The following TMEM132D variants were observed in gnomAD, a reference collection of about 807,000 sequenced individuals.
TMEM132D encodes the protein transmembrane protein 132D.
In TMEM132D, 21 loss-of-function variants were observed where a neutral mutation model predicts 62.3. That is an observed-to-expected ratio of 0.34 (90% CI 0.24 to 0.49). The LOEUF (loss-of-function observed/expected upper bound fraction) is 0.49. TMEM132D is among the 20% of genes least tolerant of loss of function. The pLI, the probability that TMEM132D is intolerant of heterozygous loss-of-function variation, is 0.99. For synonymous variants in TMEM132D, 621 were observed against 575.6 expected, an observed-to-expected ratio of 1.08 and a Z score of -1.13; for missense variants, 1,346 against 1,402.8, an observed-to-expected ratio of 0.96 and a Z score of 0.65.
At chr12:129,179,796 G>C (rs1221747472) in intron 5 of TMEM132D, among the ~76,000 whole-genome samples, 1 of 152,168 alleles carries the variant, frequency 6.6e-6, no homozygotes, top group Non-Finnish European at 1.5e-5. Context: ...GGGAGGCTGA[G>C]ATGGGTGGAT....
At position 129,489,349 on chromosome 12, in the gene TMEM132D, G is replaced by A. The variant is rs77450132; in HGVS notation, c.1115+41710C>T. Among the ~76,000 whole-genome samples, 1,161 of 152,268 alleles carry A rather than the reference G, an allele frequency of 7.6e-3. 8 individuals carry two copies. The highest frequency in any genetic ancestry group is 0.068 in the Middle Eastern group (20 of 294). On this transcript the variant is annotated intron_variant, in intron 3 of 8. Coordinates refer to ENST00000422113, the MANE Select transcript of TMEM132D (RefSeq NM_133448.3). ...GGTCTCAAAGAATCTATGGGGTCTG[G>A]GGAATACATATCATCCTTGATCAAT...
chr12:129,678,453 A>C (rs1303760643), intron 2 of TMEM132D, among the ~76,000 whole-genome samples: 8 of 152,108 alleles, frequency 5.3e-5, no homozygotes, highest in Non-Finnish European at 1.0e-4. Flanking sequence ...TTCGTTTATA[A>C]AATGTCTGTT....
intron 5 of TMEM132D, among the ~76,000 whole-genome samples, chr12:129,151,925 T>C (rs1382719381): frequency 6.7e-6 from 1 of 149,740 alleles, no homozygotes; most frequent in Non-Finnish European, 1.5e-5. Flanking sequence ...TTGTCCAGGC[T>C]GGAGTGCAGT....
intron 2 of TMEM132D, among the ~76,000 whole-genome samples, chr12:129,543,659 AT>A (rs1876654000): frequency 6.6e-6 from 1 of 152,332 alleles, no homozygotes; most frequent in South Asian, 2.1e-4. Flanking sequence ...GAATGGTGCC[AT>A]GGGTGGTCCA....
At chr12:129,145,570 G>A (rs1219459885) in intron 5 of TMEM132D, among the ~76,000 whole-genome samples, 1 of 152,006 alleles carries the variant, frequency 6.6e-6, no homozygotes, top group Non-Finnish European at 1.5e-5. Context: ...TCTGTCTCCT[G>A]CCAAGATCTT....
intron 2 of TMEM132D, among the ~76,000 whole-genome samples, chr12:129,639,510 T>C (rs1879587425): frequency 6.6e-6 from 1 of 152,128 alleles, no homozygotes; most frequent in Non-Finnish European, 1.5e-5. Context: ...CTGCTCATTT[T>C]CTTTCTTCAT....
intron 2 of TMEM132D, among the ~76,000 whole-genome samples, chr12:129,681,775 A>G (rs946334804): frequency 2.6e-5 from 4 of 152,150 alleles, no homozygotes; most frequent in Non-Finnish European, 2.9e-5. Context: ...CTCCAATCCA[A>G]CACACTCTCA....
intron 2 of TMEM132D, among the ~76,000 whole-genome samples, chr12:129,686,679 G>A (rs1039075165): frequency 2.0e-5 from 3 of 152,176 alleles, no homozygotes; most frequent in African/African-American, 4.8e-5. Context: ...CTCACATTTT[G>A]CCAAAGCAAA....
At chr12:129,087,004 C>T (rs1027479475) in intron 5 of TMEM132D, among the ~76,000 whole-genome samples, 1 of 151,912 alleles carries the variant, frequency 6.6e-6, no homozygotes, top group Non-Finnish European at 1.5e-5. Context: ...CATTGAAGAC[C>T]CCCTGTCTTT....
chr12:129,345,997 A>C (rs1202833574), intron 3 of TMEM132D, among the ~76,000 whole-genome samples: 5 of 152,138 alleles, frequency 3.3e-5, no homozygotes, highest in African/African-American at 1.2e-4. Flanking sequence ...TGTTTGGAAT[A>C]GTTTTAGGAG....
chr12:129,165,832 G>A (rs964492567), intron 5 of TMEM132D, among the ~76,000 whole-genome samples: 1 of 152,174 alleles, frequency 6.6e-6, no homozygotes, highest in African/African-American at 2.4e-5. Context: ...TTTCCTTTGT[G>A]TAAGTATAGA....
rs188031929 is a variant in TMEM132D, at chr12:129,302,988, T to C, written c.1299+34646A>G. Among the ~76,000 whole-genome samples the C allele has an allele frequency of 2.1e-3, 324 of 152,110 alleles. 6 individuals are homozygous for C. The South Asian group carries it at 0.038, about 18-fold the overall frequency. On this transcript the variant is annotated intron_variant, in intron 4 of 8. Coordinates refer to ENST00000422113, the MANE Select transcript of TMEM132D (RefSeq NM_133448.3). Reference sequence around the variant, plus strand: ...CTCCAAAGGCAGAAGAACCAAGGAGTAGAAACCAATGTCTTCTACTCCACT... The same window carrying C: ...CTCCAAAGGCAGAAGAACCAAGGAGCAGAAACCAATGTCTTCTACTCCACT...
chr12:129,755,190 C>T (rs1345604820), intron 1 of TMEM132D, among the ~76,000 whole-genome samples: 1 of 152,186 alleles, frequency 6.6e-6, no homozygotes, highest in Non-Finnish European at 1.5e-5. Flanking sequence ...TGGACATTAA[C>T]TAGTGTTGCA....
chr12:129,491,071 A>T (rs1024030156), intron 3 of TMEM132D, among the ~76,000 whole-genome samples: 37 of 152,102 alleles, frequency 2.4e-4, no homozygotes, highest in African/African-American at 8.9e-4. Context: ...AAAAGTACCA[A>T]ATATACGACT....
In TMEM132D at chr12:129,141,586, G is replaced by T. The variant is rs139286699; in HGVS notation, c.1444-56884C>A. Among the ~76,000 whole-genome samples the T allele has an allele frequency of 4.7e-3, 715 of 152,240 alleles. 5 individuals are homozygous for T. The highest frequency in any genetic ancestry group is 0.016 in the African/African-American group (662 of 41,534). ...TCAGAGCTTAGTGAACTAAGTTGGC[G>T]AGAACCTGTAGACTTTACTGAATTT... On this transcript the variant is annotated intron_variant, in intron 5 of 8. Transcript: ENST00000422113.
intron 2 of TMEM132D, among the ~76,000 whole-genome samples, chr12:129,578,406 T>TGTGTGTG (rs1565910251): frequency 2.3e-4 from 8 of 34,676 alleles, no homozygotes; most frequent in Middle Eastern, 8.2e-3. Context: ...AGTAATACAA[T>TGTGTGTG]TATGTGTGTG....
At chr12:129,637,719 C>CA (rs1216807919) in intron 2 of TMEM132D, among the ~76,000 whole-genome samples, 11 of 152,154 alleles carry the variant, frequency 7.2e-5, no homozygotes, top group Non-Finnish European at 1.0e-4. Context: ...ATGATGCTGG[C>CA]ATCTGCTTGG....
Position 129,462,071 on chromosome 12 carries a change from T to C in TMEM132D, c.1115+68988A>G, listed in dbSNP as rs892441171. ...AACAGGCTGTGAGCTGTGATTTGAG[T>C]AAGTTCTAAATAATAGAAAAACCCA... On this transcript the variant is annotated intron_variant, in intron 3 of 8. Transcript: ENST00000422113. Among the ~76,000 whole-genome samples the C allele has an allele frequency of 2.0e-5, 3 of 152,214 alleles. No homozygotes were observed. In the South Asian group the frequency reaches 6.2e-4, roughly 32 times the overall value.
intron 2 of TMEM132D, among the ~76,000 whole-genome samples, chr12:129,610,403 C>A (rs1368809777): frequency 1.3e-5 from 2 of 152,160 alleles, no homozygotes; most frequent in South Asian, 4.1e-4. Context: ...CCCTAAATAG[C>A]TTCAACAACT....
Sources: gnomAD v4.1 joint callset for allele counts (sites outside exome capture counted in the v4.1 genomes callset) on GRCh38, gnomAD v4.1.1 for gene constraint, MANE v1.5 for transcripts, NCBI Gene and HGNC (gene_info 2026-07-23, HGNC 2026-07-21) for gene names.